Variants in C12orf42 observed in about 807,000 individuals in gnomAD.
C12orf42 encodes the protein chromosome 12 open reading frame 42.
A neutral mutation model predicts 21.6 loss-of-function variants in C12orf42; 25 were observed. The observed-to-expected ratio is 1.16, with a 90% CI of 0.84 to 1.62. C12orf42 has a LOEUF of 1.62. Among genes scored for constraint, C12orf42 ranks in the 40% most tolerant of loss-of-function variants. The pLI, the probability that C12orf42 is intolerant of heterozygous loss-of-function variation, is 0.00. For synonymous variants in C12orf42, 174 were observed against 175.0 expected (o/e 0.99, Z 0.05); for missense variants, 483 against 459.3 (o/e 1.05, Z -0.47).
the C12orf42 span, among the ~76,000 whole-genome samples, chr12:103,068,978 T>TCC: frequency 7.7e-4 from 82 of 106,538 alleles, 6 homozygotes; most frequent in African/African-American, 3.2e-3. Flanking sequence ...TATATATATA[T>TCC]ATATATATAT....
At chr12:103,546,302 A>ACCAATATTGTCTCATTGAGCT in the C12orf42 span, among the ~76,000 whole-genome samples, 1 of 152,116 alleles carries the variant, frequency 6.6e-6, no homozygotes, top group Admixed American at 6.5e-5. Context: ...TTATGGAAAA[A>ACCAATATTGTCTCATTGAGCT]CCAATATTGT....
chr12:103,326,243 C>T (rs1030307043), intron 4 of C12orf42, among the ~76,000 whole-genome samples: 2 of 152,122 alleles, frequency 1.3e-5, no homozygotes, highest in African/African-American at 2.4e-5. Context: ...TATTATGGGG[C>T]TCTTGAAAGA....
chr12:103,478,556 A>G lies in C12orf42; in HGVS notation c.-21-109T>C, dbSNP rs566424916. The G allele has an allele frequency of 1.5e-5, 7 of 467,538 alleles. No homozygotes were observed. In the East Asian group the frequency reaches 2.7e-4, roughly 18 times the overall value. The allele number at this position is 467,538 out of a possible 1,614,324, so 29.0% of individuals were successfully genotyped here. A position where few individuals can be genotyped will look rare whatever the true frequency, so the allele number is the denominator to read the frequency against. ...CCAGAATCATCCTATCCATGAACATAGTATTTCTTGCCAGTGACTTTCAAT... is the reference window on the plus strand; with the variant it reads ...CCAGAATCATCCTATCCATGAACATGGTATTTCTTGCCAGTGACTTTCAAT... On this transcript the variant is annotated intron_variant, in intron 1 of 5. Coordinates refer to ENST00000548883, the MANE Select transcript of C12orf42 (RefSeq NM_198521.5).
chr12:103,117,808 T>C, the C12orf42 span, among the ~76,000 whole-genome samples: 1 of 152,208 alleles, frequency 6.6e-6, no homozygotes, highest in East Asian at 1.9e-4. Flanking sequence ...GCAACCTGAG[T>C]ATAGCTCTGA....
At chr12:103,512,963 T>C in the C12orf42 span, among the ~76,000 whole-genome samples, 1 of 151,168 alleles carries the variant, frequency 6.6e-6, no homozygotes, top group Non-Finnish European at 1.5e-5. Context: ...GATTGCGCCA[T>C]TGCACTCCAG....
rs969339183 is a variant in C12orf42, at chr12:103,385,153, G to A, written c.148-16155C>T. On this transcript the variant is annotated intron_variant, in intron 3 of 5. Coordinates refer to ENST00000548883, the MANE Select transcript of C12orf42 (RefSeq NM_198521.5). ...TGGTGGACTTGATCAATACATCCACGTTTCATTTTTTTACCCTAAAATATA... is the reference window on the plus strand; with the variant it reads ...TGGTGGACTTGATCAATACATCCACATTTCATTTTTTTACCCTAAAATATA... Among the ~76,000 whole-genome samples, 8 of 152,218 alleles carry A rather than the reference G, an allele frequency of 5.3e-5. 1 individual carries two copies. The highest frequency in any genetic ancestry group is 2.6e-4 in the Admixed American group (4 of 15,288).
Position 103,330,361 on chromosome 12 carries a change from T to A in C12orf42, c.260-24016A>T, listed in dbSNP as rs190917043. 2.6e-5 allele frequency among the ~76,000 whole-genome samples: 4 copies of A among 152,316 alleles called. No homozygotes were observed. In the East Asian group the frequency reaches 5.8e-4, roughly 22 times the overall value. On this transcript the variant is annotated intron_variant, in intron 4 of 5. Coordinates refer to ENST00000548883, the MANE Select transcript of C12orf42 (RefSeq NM_198521.5). The stretch of plus-strand genomic sequence containing the variant: ...TTATCTTATTTTGCAAATTTAAGAA[T>A]GAGGAGGGAGTTCCATTGGAGGTAC...
chr12:103,523,047 A>G, the C12orf42 span, among the ~76,000 whole-genome samples: 1 of 152,254 alleles, frequency 6.6e-6, no homozygotes, highest in Non-Finnish European at 1.5e-5. Flanking sequence ...GAATGATGTC[A>G]GTCTGAAGAG....
intron 2 of C12orf42, among the ~76,000 whole-genome samples, chr12:103,466,721 C>T (rs1299312856): frequency 6.6e-6 from 1 of 152,144 alleles, no homozygotes; most frequent in Non-Finnish European, 1.5e-5. Flanking sequence ...ATCCCTTTGC[C>T]ATATAACGTT....
At chr12:103,073,640 G>T in the C12orf42 span, among the ~76,000 whole-genome samples, 1 of 152,088 alleles carries the variant, frequency 6.6e-6, no homozygotes, top group East Asian at 1.9e-4. Flanking sequence ...CTTGCAGATG[G>T]CTGCTAGGGG....
chr12:103,495,217 G>A (rs1372338089), intron 1 of C12orf42, among the ~76,000 whole-genome samples: 6 of 151,084 alleles, frequency 4.0e-5, no homozygotes, highest in Admixed American at 6.6e-5. Flanking sequence ...CCACTTGGGG[G>A]GAATTAAAAG....
chr12:103,313,776 T>G (rs2039192321), intron 4 of C12orf42, among the ~76,000 whole-genome samples: 1 of 152,160 alleles, frequency 6.6e-6, no homozygotes, highest in African/African-American at 2.4e-5. Context: ...AAGTAGAAAA[T>G]TATATCGTTT....
chr12:103,527,311 A>C, the C12orf42 span, among the ~76,000 whole-genome samples: 2 of 152,162 alleles, frequency 1.3e-5, no homozygotes. Context: ...TAAAGACTAC[A>C]GAATGACAAG....
At chr12:103,279,673 A>AATGACTAGGTGTGTGGTTGAAG (rs2035986785) in intron 4 of C12orf42, among the ~76,000 whole-genome samples, 1 of 152,156 alleles carries the variant, frequency 6.6e-6, no homozygotes, top group African/African-American at 2.4e-5. Context: ...TGTGGTTGAA[A>AATGACTAGGTGTGTGGTTGAAG]ATGACTAGGT....
chr12:103,482,328 C>T (rs1954530774), intron 1 of C12orf42, among the ~76,000 whole-genome samples: 1 of 152,022 alleles, frequency 6.6e-6, no homozygotes, highest in South Asian at 2.1e-4. Flanking sequence ...GTGTGCAGTT[C>T]TAGGTTGACA....
intron 4 of C12orf42, among the ~76,000 whole-genome samples, chr12:103,368,281 T>C (rs1283950309): frequency 2.5e-5 from 3 of 120,484 alleles, no homozygotes; most frequent in Non-Finnish European, 5.1e-5. Flanking sequence ...ATTCTCTCTC[T>C]TTATCTGCCT....
intron 5 of C12orf42, among the ~76,000 whole-genome samples, chr12:103,271,937 G>A (rs1446048646): frequency 2.0e-5 from 3 of 152,156 alleles, no homozygotes; most frequent in Admixed American, 2.0e-4. Flanking sequence ...TGCTAACAAT[G>A]TAACTTTAGC....
intron 2 of C12orf42, among the ~76,000 whole-genome samples, chr12:103,416,920 G>A (rs1255432953): frequency 6.6e-6 from 1 of 152,132 alleles, no homozygotes; most frequent in East Asian, 1.9e-4. Context: ...GTATGTGCAA[G>A]GAGAATGGAT....
chr12:103,519,337 T>C, the C12orf42 span, among the ~76,000 whole-genome samples: 6 of 152,160 alleles, frequency 3.9e-5, no homozygotes, highest in Non-Finnish European at 7.3e-5. Context: ...ATTTAAAGTC[T>C]ACACTTCATA....
Sources: gnomAD v4.1 joint callset for allele counts (sites outside exome capture counted in the v4.1 genomes callset) on GRCh38, gnomAD v4.1.1 for gene constraint, MANE v1.5 for transcripts, NCBI Gene and HGNC (gene_info 2026-07-23, HGNC 2026-07-21) for gene names.